KIF21A: variants seen among roughly 807,000 people sequenced by gnomAD.
KIF21A encodes kinesin family member 21A, also known as kinesin-like protein KIF21A.
A neutral mutation model predicts 202.9 loss-of-function variants in KIF21A; 114 were observed. The ratio of observed to expected loss-of-function variants is 0.56; its 90% CI spans 0.48 to 0.66. The LOEUF (loss-of-function observed/expected upper bound fraction) is 0.66. Among genes scored for constraint, KIF21A ranks in the 30% least tolerant of loss-of-function variants. KIF21A has a pLI of 0.00. For missense variants in KIF21A, 1,677 were observed against 1,994.9 expected (o/e 0.84, Z 3.04); for synonymous variants, 667 against 670.8 (o/e 0.99, Z 0.09).
chr12:39,347,155 A>G (rs1253353586), intron 11 of KIF21A, among the ~76,000 whole-genome samples: 1 of 151,816 alleles, frequency 6.6e-6, no homozygotes, highest in Non-Finnish European at 1.5e-5. Flanking sequence ...AATTGAAAAT[A>G]AAATTTCACA....
In KIF21A at chr12:39,323,362, T is replaced by A. The variant is rs1436670970; in HGVS notation, c.3457-480A>T. Among the ~76,000 whole-genome samples the A allele has an allele frequency of 2.0e-5, 3 of 151,940 alleles. No homozygotes were observed. The East Asian group carries it at 5.8e-4, about 29-fold the overall frequency. Reference sequence around the variant, plus strand: ...AAAAGAAGAAGAAGAAGAAAGACATTAAACCAAAAGATAATTGCAGGAAAG... The same window carrying A: ...AAAAGAAGAAGAAGAAGAAAGACATAAAACCAAAAGATAATTGCAGGAAAG... On this transcript the variant is annotated intron_variant, in intron 26 of 37. Transcript: ENST00000361418.
At chr12:39,400,378 C>A (rs1399051438) in intron 1 of KIF21A, among the ~76,000 whole-genome samples, 1 of 152,090 alleles carries the variant, frequency 6.6e-6, no homozygotes, top group Non-Finnish European at 1.5e-5. Context: ...ACAGATCAAC[C>A]CATCACCTAG....
rs1566437157 is a variant in KIF21A, at chr12:39,442,887, A to C, written c.44+40T>G. On this transcript the variant is annotated intron_variant, in intron 1 of 37. Coordinates refer to ENST00000361418, the MANE Select transcript of KIF21A (RefSeq NM_001173464.2). This position sits in a 1 kb window ranked among gnomAD's most constrained non-coding sequence, Gnocchi z 5.0. Reference sequence around the variant, plus strand: ...CAGCCAGGTCCTTGCCGCGCCCTCAACCCGCCGCCCGCCGCCCGCCGCCGG... The same window carrying C: ...CAGCCAGGTCCTTGCCGCGCCCTCACCCCGCCGCCCGCCGCCCGCCGCCGG... 6.6e-7 allele frequency: 1 copy of C among 1,521,646 alleles called. No individual in the cohort carries two copies. The highest frequency in any genetic ancestry group is 2.0e-5 in the Admixed American group (1 of 50,336). The allele number at this position is 1,521,646 out of a possible 1,614,324, so 94.3% of individuals were successfully genotyped here. A position where few individuals can be genotyped will look rare whatever the true frequency, so the allele number is the denominator to read the frequency against.
At chr12:39,358,492 G>T in intron 7 of KIF21A, 119 bp from the exon 8 acceptor site, 2 of 929,734 alleles carry the variant, frequency 2.2e-6, no homozygotes, top group Non-Finnish European at 3.4e-6. Context: ...AAAATATTGA[G>T]CAAATTTAAA....
intron 1 of KIF21A, among the ~76,000 whole-genome samples, chr12:39,386,886 A>G (rs997372145): frequency 1.3e-5 from 2 of 152,122 alleles, no homozygotes; most frequent in African/African-American, 4.8e-5. Flanking sequence ...ACCTAAACTG[A>G]CATAATCCTG....
chr12:39,408,400 C>T (rs941787783), intron 1 of KIF21A, among the ~76,000 whole-genome samples: 3 of 152,100 alleles, frequency 2.0e-5, no homozygotes, highest in Non-Finnish European at 2.9e-5. Flanking sequence ...TGCTCACTTC[C>T]TGCTGTGTGC....
Position 39,387,062 on chromosome 12 carries a change from A to G in KIF21A, c.45-16801T>C, listed in dbSNP as rs551322730. ...TTAAATCCAGAATTTTTAGCTGGGG[A>G]AAAAAAAAAAACTATCTTCAGCCAT... On this transcript the variant is annotated intron_variant, in intron 1 of 37. Coordinates refer to ENST00000361418, the MANE Select transcript of KIF21A (RefSeq NM_001173464.2). Among the ~76,000 whole-genome samples the G allele has an allele frequency of 2.6e-3, 379 of 143,326 alleles. 2 individuals are homozygous for G. Among genetic ancestry groups the G allele is most frequent in the South Asian group, 5.9e-3 (27 of 4,600 alleles). 94.0% of individuals were successfully genotyped at this position (143,326 alleles called of 152,430 possible). A position where few individuals can be genotyped will look rare whatever the true frequency, so the allele number is the denominator to read the frequency against.
intron 1 of KIF21A, among the ~76,000 whole-genome samples, chr12:39,398,465 G>A (rs1218218888): frequency 6.6e-6 from 1 of 152,172 alleles, no homozygotes; most frequent in African/African-American, 2.4e-5. Flanking sequence ...AACAGGCATA[G>A]TGGCATGCGC....
At chr12:39,300,694 T>A (rs1463916237) in intron 37 of KIF21A, among the ~76,000 whole-genome samples, 1 of 152,100 alleles carries the variant, frequency 6.6e-6, no homozygotes, top group East Asian at 1.9e-4. Flanking sequence ...TACATATATA[T>A]ATGTACTATA....
In KIF21A at chr12:39,384,089, T is replaced by C. The variant is rs529266730; in HGVS notation, c.45-13828A>G. ...AGAACAGGGAAGAAAAGTATGGTCA[T>C]GACAAGAAGAGATAACATGGTATTT... On this transcript the variant is annotated intron_variant, in intron 1 of 37. Coordinates refer to ENST00000361418, the MANE Select transcript of KIF21A (RefSeq NM_001173464.2). 2.4e-3 allele frequency among the ~76,000 whole-genome samples: 370 copies of C among 152,210 alleles called. 1 individual carries two copies. The highest frequency in any genetic ancestry group is 8.7e-3 in the South Asian group (42 of 4,824).
chr12:39,437,685 T>A (rs1939005263), intron 1 of KIF21A, among the ~76,000 whole-genome samples: 2 of 152,158 alleles, frequency 1.3e-5, no homozygotes, highest in African/African-American at 2.4e-5. Flanking sequence ...TCCCACATAT[T>A]TCGTGTGTTT....
chr12:39,301,167 T>C (rs1202049677), intron 37 of KIF21A, among the ~76,000 whole-genome samples: 1 of 152,232 alleles, frequency 6.6e-6, no homozygotes, highest in African/African-American at 2.4e-5. Flanking sequence ...TTGTTGCCTT[T>C]CTGAAAATAA....
intron 1 of KIF21A, among the ~76,000 whole-genome samples, chr12:39,384,368 C>T (rs1950807252): frequency 6.6e-6 from 1 of 152,136 alleles, no homozygotes; most frequent in African/African-American, 2.4e-5. Flanking sequence ...AGTCAAATAT[C>T]TTCACACAAC....
intron 31 of KIF21A, among the ~76,000 whole-genome samples, chr12:39,313,296 A>G (rs1944210295): frequency 6.6e-6 from 1 of 151,930 alleles, no homozygotes; most frequent in East Asian, 1.9e-4. Context: ...CTTCTCGTTG[A>G]GTCTCAAAGA....
chr12:39,418,642 C>T (rs896052910), intron 1 of KIF21A, among the ~76,000 whole-genome samples: 1 of 152,156 alleles, frequency 6.6e-6, no homozygotes, highest in Non-Finnish European at 1.5e-5. Context: ...CAAGCTTCTA[C>T]AGTAGCATCA....
chr12:39,320,522 C>T (rs2137680654), intron 27 of KIF21A, among the ~76,000 whole-genome samples: 1 of 151,688 alleles, frequency 6.6e-6, no homozygotes, highest in African/African-American at 2.4e-5. Flanking sequence ...TATCTATGTA[C>T]ATTTTAGTAA....
chr12:39,436,566 C>G (rs1284637088), intron 1 of KIF21A, among the ~76,000 whole-genome samples: 18 of 147,334 alleles, frequency 1.2e-4, no homozygotes, highest in Admixed American at 1.2e-3. Flanking sequence ...ATCTTCCCAC[C>G]TCAGCCTCCC....
At position 39,301,657 on chromosome 12, in the gene KIF21A, T is replaced by A. The variant is rs1189183372; in HGVS notation, c.4754A>T (p.Asp1585Val). The change falls in exon 37 of 38, where the codon GAT (aspartate) becomes GTT (valine). Residue 1585 changes from aspartate (D) to valine (V), a missense_variant. Coordinates refer to ENST00000361418, the MANE Select transcript of KIF21A (RefSeq NM_001173464.2). ...CACCACTCCCAGGGCACAGACCCAA[T>A]CCTTATGTGCATTTGGAACTTGCTA... is the stretch of plus-strand genomic sequence containing the variant. ...LLQQVPNAHKDWVCALGVVPD... is the reference protein window; with the variant it reads ...LLQQVPNAHKVWVCALGVVPD... 1.2e-6 allele frequency: 2 copies of A among 1,613,938 alleles called. No homozygotes were observed. The highest frequency in any genetic ancestry group is 1.7e-6 in the Non-Finnish European group (2 of 1,179,982).
chr12:39,341,051 T>G lies in KIF21A; in HGVS notation c.1965A>C (p.Ala655=). ...GTTCATCAATCAGCTTTTGCTTAAT[T>G]GCAATTTCACAAGTAATGTTTGCCA... ...ADLANITCEI[A]IKQKLIDELE... Residue 655 remains alanine (A), a synonymous_variant, in exon 15 of 38, where the codon GCA becomes GCC. Transcript: ENST00000361418. The G allele has an allele frequency of 6.2e-7, 1 of 1,611,608 alleles. No homozygotes were observed. The highest frequency in any genetic ancestry group is 8.5e-7 in the Non-Finnish European group (1 of 1,178,530).
Sources: gnomAD v4.1 joint callset for allele counts (sites outside exome capture counted in the v4.1 genomes callset) on GRCh38, gnomAD v4.1.1 for gene constraint, Gnocchi (gnomAD v3.1) non-coding constraint, MANE v1.5 for transcripts, NCBI Gene and HGNC (gene_info 2026-07-23, HGNC 2026-07-21) for gene names.